Variants in KHDC1 observed in about 807,000 individuals in gnomAD.
The protein encoded by KHDC1 is KH domain containing 1, also known as KH homology domain-containing protein 1.
In KHDC1, 21 loss-of-function variants were observed where a neutral mutation model predicts 24.7. The observed-to-expected ratio is 0.85, with a 90% CI of 0.60 to 1.23. KHDC1 has a LOEUF of 1.23. Ranked by LOEUF, KHDC1 falls within the 50% of genes most tolerant of loss-of-function variation. The pLI is 0.00. For synonymous variants in KHDC1, 98 were observed against 111.7 expected (o/e 0.88, Z 0.77); for missense variants, 274 against 298.5 (o/e 0.92, Z 0.61).
chr6:73,268,311 C>T (rs1767111439), intron 2 of KHDC1: 1 of 153,870 alleles, frequency 6.5e-6, no homozygotes, highest in Non-Finnish European at 1.4e-5. Context: ...CTCGTGGTCT[C>T]GCTGGCTTCA....
rs149308347 is a variant in KHDC1 at position 73,302,106 on chromosome 6, G to A, written c.163+7446C>T. ...AGTTTGAGACCAGCCTGACCAACTG[G>A]TGAAACCCCACCTCTACTAAAAAAA... On this transcript the variant is annotated intron_variant, in intron 1 of 4. Transcript: ENST00000370384. 1.5e-3 allele frequency among the ~76,000 whole-genome samples: 227 copies of A among 152,108 alleles called. 1 individual carries two copies. The highest frequency in any genetic ancestry group is 5.3e-3 in the African/African-American group (221 of 41,498).
At chr6:73,257,024 G>T (rs1352296493) in intron 2 of KHDC1, among the ~76,000 whole-genome samples, 1 of 152,130 alleles carries the variant, frequency 6.6e-6, no homozygotes, top group Non-Finnish European at 1.5e-5. Flanking sequence ...GGGGCACGGT[G>T]GCTCAAACCT....
intron 2 of KHDC1, chr6:73,274,731 A>G (rs1767248196): frequency 6.6e-6 from 1 of 152,238 alleles, no homozygotes; most frequent in South Asian, 2.1e-4. Context: ...TTTGTAAGGT[A>G]CCCAGTCTCG....
intron 2 of KHDC1, chr6:73,263,064 GGCGGCAGCGGCGGCA>G (rs1334063443): frequency 2.7e-4 from 30 of 109,524 alleles, no homozygotes; most frequent in East Asian, 7.9e-4. Flanking sequence ...CGGCGGCGGC[GGCGGCAGCGGCGGCA>G]GCGGCTGCAG....
At chr6:73,252,872 A>G (rs1766806646) in intron 2 of KHDC1, among the ~76,000 whole-genome samples, 1 of 152,148 alleles carries the variant, frequency 6.6e-6, no homozygotes, top group Admixed American at 6.5e-5. Context: ...GGTCAGAGGC[A>G]ATACATAAAT....
rs189689251 is a variant in KHDC1 at position 73,273,646 on chromosome 6, C to T, written c.206+18352G>A. 3.1e-3 allele frequency among the ~76,000 whole-genome samples: 473 copies of T among 151,394 alleles called. 4 individuals are homozygous for T. The highest frequency in any genetic ancestry group is 0.011 in the African/African-American group (444 of 41,302). On this transcript the variant is annotated intron_variant, in intron 2 of 4. Coordinates refer to ENST00000370384, the Ensembl canonical transcript of KHDC1. ...CCTGGCTAACACGGTGAAACCCCGTCTCTACTAAAAATACAAAAAATTAGC... is the reference window on the plus strand; with the variant it reads ...CCTGGCTAACACGGTGAAACCCCGTTTCTACTAAAAATACAAAAAATTAGC...
At position 73,293,744 on chromosome 6, in the gene KHDC1, C is replaced by A. The variant is rs191561685; in HGVS notation, c.164-1704G>T. ...CATAGGCTGGGTGCAGTGGCTCACACCTGTAATCCCAGCACTTTGGGAGGC... is the reference window on the plus strand; with the variant it reads ...CATAGGCTGGGTGCAGTGGCTCACAACTGTAATCCCAGCACTTTGGGAGGC... On this transcript the variant is annotated intron_variant, in intron 1 of 4. Transcript: ENST00000370384. Among the ~76,000 whole-genome samples the A allele has an allele frequency of 2.0e-3, 300 of 151,244 alleles. 2 individuals are homozygous for A. Among genetic ancestry groups the A allele is most frequent in the African/African-American group, 7.0e-3 (286 of 40,926 alleles).
chr6:73,267,318 A>T (rs1030893755), intron 2 of KHDC1, among the ~76,000 whole-genome samples: 2 of 151,702 alleles, frequency 1.3e-5, no homozygotes, highest in African/African-American at 2.4e-5. Context: ...CATCTCTACT[A>T]AAAAAAATGC....
At chr6:73,275,733 A>G (rs1767277445) in intron 2 of KHDC1, 1 of 160,692 alleles carries the variant, frequency 6.2e-6, no homozygotes, top group African/African-American at 2.4e-5. Context: ...GCCTTGCCCC[A>G]TTTGGTAAAA....
chr6:73,248,931 T>C (rs1349538230), intron 2 of KHDC1, among the ~76,000 whole-genome samples: 2 of 133,694 alleles, frequency 1.5e-5, no homozygotes, highest in African/African-American at 5.8e-5. Context: ...GTATGGCCTT[T>C]ATGTTGGGAG....
chr6:73,250,003 T>C (rs1336728457), intron 2 of KHDC1, among the ~76,000 whole-genome samples: 2 of 152,250 alleles, frequency 1.3e-5, no homozygotes, highest in Non-Finnish European at 2.9e-5. Flanking sequence ...CATGAGTTTC[T>C]CAAGATTCCT....
intron 2 of KHDC1, among the ~76,000 whole-genome samples, chr6:73,284,487 C>G (rs1285199800): frequency 6.6e-6 from 1 of 152,094 alleles, no homozygotes; most frequent in South Asian, 2.1e-4. Flanking sequence ...ATTCCCTAGC[C>G]CCCTGCCCAC....
chr6:73,261,667 A>T (rs1766982970), intron 2 of KHDC1, among the ~76,000 whole-genome samples: 2 of 151,646 alleles, frequency 1.3e-5, no homozygotes, highest in African/African-American at 2.4e-5. Flanking sequence ...TAATCCCAGC[A>T]CTTTGGGAGG....
At chr6:73,305,163 G>A (rs1307660437) in intron 1 of KHDC1, among the ~76,000 whole-genome samples, 1 of 151,984 alleles carries the variant, frequency 6.6e-6, no homozygotes, top group African/African-American at 2.4e-5. Flanking sequence ...GCTTGAACCT[G>A]GGAAGCAGAG....
intron 1 of KHDC1, among the ~76,000 whole-genome samples, chr6:73,294,610 A>G (rs1350063634): frequency 6.6e-6 from 1 of 152,220 alleles, no homozygotes; most frequent in African/African-American, 2.4e-5. Context: ...TTAAAATAGA[A>G]TTTAGGAACC....
rs552034998 is a variant in KHDC1 at position 73,292,055 on chromosome 6, T to C, written c.164-15A>G. 1.1e-4 allele frequency: 176 copies of C among 1,613,888 alleles called. 2 individuals carry two copies. The African/African-American group carries it at 2.0e-3, about 19-fold the overall frequency. On this transcript the variant is annotated splice_polypyrimidine_tract_variant and intron_variant, in intron 1 of 4. Transcript: ENST00000370384. ...TGAGTTTCTCTCTGTAAAGGAGATA[T>C]ATAAAGAAAAGGAATTATTACAAGG...
At chr6:73,298,021 T>C (rs1767790481) in intron 1 of KHDC1, among the ~76,000 whole-genome samples, 1 of 152,076 alleles carries the variant, frequency 6.6e-6, no homozygotes, top group East Asian at 1.9e-4. Context: ...TGAAATCCTG[T>C]CTCTACTAAA....
intron 2 of KHDC1, among the ~76,000 whole-genome samples, chr6:73,267,780 A>G (rs980223386): frequency 5.3e-5 from 8 of 152,208 alleles, no homozygotes; most frequent in Non-Finnish European, 1.5e-5. Flanking sequence ...CCAAGAATTG[A>G]TGAGCAGATG....
intron 1 of KHDC1, among the ~76,000 whole-genome samples, chr6:73,294,766 CG>C (rs1278237311): frequency 6.6e-6 from 1 of 152,086 alleles, no homozygotes; most frequent in East Asian, 1.9e-4. Flanking sequence ...TGGGGCCTCA[CG>C]GGAGTTGACT....
Sources: allele counts gnomAD v4.1 joint callset (sites outside exome capture counted in the v4.1 genomes callset), GRCh38; gene constraint gnomAD v4.1.1; transcripts MANE v1.5; gene names NCBI Gene and HGNC (gene_info 2026-07-23, HGNC 2026-07-21).